The following ASIC2 variants were observed in gnomAD, a reference collection of about 807,000 sequenced individuals.
ASIC2 encodes the protein acid sensing ion channel subunit 2.
ASIC2 carries 25 observed loss-of-function variants against 57.3 expected under a neutral mutation model. That is an observed-to-expected ratio of 0.44 (90% confidence interval 0.32 to 0.61). The LOEUF (loss-of-function observed/expected upper bound fraction) is 0.61. Ranked by LOEUF, ASIC2 falls within the 20% of genes least tolerant of loss-of-function variation. ASIC2 has a pLI of 0.06. For missense variants in ASIC2, 641 were observed against 738.1 expected, an observed-to-expected ratio of 0.87 and a Z score of 1.52; for synonymous variants, 319 against 307.5, an observed-to-expected ratio of 1.04 and a Z score of -0.39.
At chr17:34,087,979 G>A (rs1262767356) in intron 1 of ASIC2, among the ~76,000 whole-genome samples, 2 of 152,040 alleles carry the variant, frequency 1.3e-5, no homozygotes, top group African/African-American at 4.8e-5. Context: ...TTTGCCTTTG[G>A]TTTGAATTTC....
intron 1 of ASIC2, among the ~76,000 whole-genome samples, chr17:33,807,670 C>A (rs58781395): frequency 6.6e-6 from 1 of 152,056 alleles, no homozygotes; most frequent in Admixed American, 6.5e-5. Context: ...CCTCCTCATC[C>A]TCTTCACACA....
intron 1 of ASIC2, among the ~76,000 whole-genome samples, chr17:33,555,448 A>G (rs1421892690): frequency 1.3e-5 from 2 of 152,170 alleles, no homozygotes; most frequent in African/African-American, 4.8e-5. Flanking sequence ...GTGTATGAAG[A>G]TAACTGTTCT....
chr17:33,148,363 C>T lies in ASIC2; in HGVS notation c.709-36296G>A, dbSNP rs549896631. Among the ~76,000 whole-genome samples, 16 of 152,332 alleles carry T rather than the reference C, an allele frequency of 1.1e-4. No individual in the cohort carries two copies. In the South Asian group the frequency reaches 3.3e-3, roughly 32 times the overall value. On this transcript the variant is annotated intron_variant, in intron 1 of 9. Transcript: ENST00000225823. ...CAAGGTCACACAGGAAGTGGCAAAG[C>T]CAGGACTCAATCAAGGTCACCCAAC...
chr17:33,795,418 T>A (rs1911888207), intron 1 of ASIC2, among the ~76,000 whole-genome samples: 1 of 152,266 alleles, frequency 6.6e-6, no homozygotes, highest in Non-Finnish European at 1.5e-5. Flanking sequence ...CCTTACTCCT[T>A]CACAGAAGCC....
At chr17:33,625,833 A>G (rs1040057916) in intron 1 of ASIC2, among the ~76,000 whole-genome samples, 1 of 152,242 alleles carries the variant, frequency 6.6e-6, no homozygotes, top group African/African-American at 2.4e-5. Flanking sequence ...CAGACGCTTC[A>G]TGAGTATCTT....
chr17:33,175,560 C>T (rs552292971), intron 1 of ASIC2, among the ~76,000 whole-genome samples: 4 of 151,634 alleles, frequency 2.6e-5, no homozygotes, highest in East Asian at 1.9e-4. Flanking sequence ...TGTAGTATTG[C>T]GGCGCTTGTG....
chr17:33,263,648 G>C (rs1420621934), intron 1 of ASIC2, among the ~76,000 whole-genome samples: 1 of 126,336 alleles, frequency 7.9e-6, no homozygotes, highest in Non-Finnish European at 1.7e-5. Flanking sequence ...TTCAGTGAAG[G>C]CCATTTCAGA....
intron 1 of ASIC2, among the ~76,000 whole-genome samples, chr17:33,324,264 G>C (rs1437952443): frequency 6.6e-6 from 1 of 151,970 alleles, no homozygotes; most frequent in Non-Finnish European, 1.5e-5. Flanking sequence ...TACTATTTCA[G>C]AAGCAGAACA....
intron 1 of ASIC2, among the ~76,000 whole-genome samples, chr17:33,759,443 T>C (rs1186179545): frequency 6.6e-6 from 1 of 152,074 alleles, no homozygotes; most frequent in Non-Finnish European, 1.5e-5. Flanking sequence ...TGGGAGATAA[T>C]AATAAAAAGT....
intron 1 of ASIC2, among the ~76,000 whole-genome samples, chr17:33,658,322 A>G (rs567403467): frequency 2.6e-5 from 4 of 152,310 alleles, no homozygotes; most frequent in Non-Finnish European, 4.4e-5. Context: ...CTTTTGGCCA[A>G]TGGGGAAAGT....
intron 1 of ASIC2, among the ~76,000 whole-genome samples, chr17:33,345,559 CAGG>C (rs1836291775): frequency 1.3e-5 from 2 of 152,052 alleles, no homozygotes; most frequent in African/African-American, 4.8e-5. Context: ...GTGGTCAGAC[CAGG>C]AGAAGAGGAA....
chr17:33,054,525 G>C (rs997145279), intron 3 of ASIC2, among the ~76,000 whole-genome samples: 1 of 152,180 alleles, frequency 6.6e-6, no homozygotes, highest in Non-Finnish European at 1.5e-5. Context: ...TCAATACTCA[G>C]AGTTTTTCCT....
chr17:33,547,085 C>A (rs916504881), intron 1 of ASIC2, among the ~76,000 whole-genome samples: 12 of 152,156 alleles, frequency 7.9e-5, no homozygotes, highest in Non-Finnish European at 1.5e-4. Context: ...TCCAATATTT[C>A]TGATCTGGTG....
chr17:33,229,714 C>T (rs903814105), intron 1 of ASIC2, among the ~76,000 whole-genome samples: 12 of 152,194 alleles, frequency 7.9e-5, no homozygotes, highest in East Asian at 3.8e-4. Flanking sequence ...AATAAATAGA[C>T]GTCTCCTTGT....
At chr17:34,026,243 C>T (rs1440845273) in intron 1 of ASIC2, among the ~76,000 whole-genome samples, 1 of 152,162 alleles carries the variant, frequency 6.6e-6, no homozygotes, top group East Asian at 1.9e-4. Flanking sequence ...GTGTGTATTC[C>T]CAACAGCAGT....
intron 1 of ASIC2, among the ~76,000 whole-genome samples, chr17:33,641,255 A>G (rs1233858345): frequency 6.6e-6 from 1 of 152,176 alleles, no homozygotes; most frequent in Non-Finnish European, 1.5e-5. Context: ...GGCTATAGAC[A>G]GGGCTGAGAG....
intron 1 of ASIC2, among the ~76,000 whole-genome samples, chr17:33,564,517 T>C (rs1214924401): frequency 2.6e-5 from 4 of 152,204 alleles, no homozygotes; most frequent in African/African-American, 9.6e-5. Flanking sequence ...CCTGAGTTAA[T>C]TATCCTTTTT....
intron 1 of ASIC2, among the ~76,000 whole-genome samples, chr17:33,189,624 A>G (rs1191826360): frequency 6.6e-6 from 1 of 152,182 alleles, no homozygotes; most frequent in Non-Finnish European, 1.5e-5. Context: ...CACTTAAAAA[A>G]GAAGCCTGGA....
chr17:33,932,635 TC>T lies in ASIC2; in HGVS notation c.555+223342del, dbSNP rs1420839756. 3.6e-5 allele frequency: 5 copies of T among 139,596 alleles called. No individual in the cohort carries two copies. The Admixed American group carries it at 3.9e-4, about 11-fold the overall frequency. 8.6% of individuals were successfully genotyped at this position (139,596 alleles called of 1,614,324 possible). A position where few individuals can be genotyped will look rare whatever the true frequency, so the allele number is the denominator to read the frequency against. ...AGCTGAGGCAGGAGAATTGCTTGAA[TC>T]CAGGAGGCGGAGGTTGCAGTGAGCC... is the stretch of plus-strand genomic sequence containing the variant. On this transcript the variant is annotated intron_variant, in intron 1 of 9. Transcript: ENST00000359872.
Sources: gnomAD v4.1 joint callset for allele counts (sites outside exome capture counted in the v4.1 genomes callset) on GRCh38, gnomAD v4.1.1 for gene constraint, MANE v1.5 for transcripts, NCBI Gene and HGNC (gene_info 2026-07-23, HGNC 2026-07-21) for gene names.